Variants in FHOD3 observed in about 807,000 individuals in gnomAD.
FHOD3 encodes the protein FH1/FH2 domain-containing protein 3.
In FHOD3, 90 loss-of-function variants were observed where a neutral mutation model predicts 173.0. That is an observed-to-expected ratio of 0.52 (90% confidence interval 0.44 to 0.62). FHOD3 has a LOEUF of 0.62. Ranked by LOEUF, FHOD3 falls within the 20% of genes least tolerant of loss-of-function variation. The pLI, the probability that FHOD3 is intolerant of heterozygous loss-of-function variation, is 0.00. For synonymous variants in FHOD3, 828 were observed against 823.0 expected, an observed-to-expected ratio of 1.01 and a Z score of -0.10; for missense variants, 1,945 against 2,034.7, an observed-to-expected ratio of 0.96 and a Z score of 0.85.
At chr18:36,349,897 C>T (rs938618315) in intron 1 of FHOD3, among the ~76,000 whole-genome samples, 2 of 152,098 alleles carry the variant, frequency 1.3e-5, no homozygotes, top group Non-Finnish European at 2.9e-5. Context: ...TCCTGAGTAG[C>T]TGGGATTACA....
intron 1 of FHOD3, among the ~76,000 whole-genome samples, chr18:36,347,788 T>G (rs16967779): frequency 0.061 from 9,324 of 152,330 alleles, 931 homozygotes; most frequent in African/African-American, 0.21. Flanking sequence ...GTGAATTGAT[T>G]TCATGTAGTC....
chr18:36,619,163 G>A (rs942968057), intron 9 of FHOD3, among the ~76,000 whole-genome samples: 3 of 152,120 alleles, frequency 2.0e-5, no homozygotes, highest in East Asian at 1.9e-4. Context: ...TGCTAGGGCT[G>A]TAAATACAGA....
At chr18:36,524,179 G>A (rs916394858) in intron 5 of FHOD3, among the ~76,000 whole-genome samples, 1 of 151,860 alleles carries the variant, frequency 6.6e-6, no homozygotes, top group Non-Finnish European at 1.5e-5. Context: ...TTTCTCAGGA[G>A]GCTGAGGCAG....
chr18:36,537,134 A>G (rs1217966107), intron 5 of FHOD3, among the ~76,000 whole-genome samples: 1 of 152,142 alleles, frequency 6.6e-6, no homozygotes, highest in African/African-American at 2.4e-5. Context: ...GCTTCCAGGT[A>G]GTCAGTATGG....
intron 5 of FHOD3, among the ~76,000 whole-genome samples, chr18:36,563,659 C>T (rs972459162): frequency 6.6e-6 from 1 of 152,214 alleles, no homozygotes; most frequent in African/African-American, 2.4e-5. Context: ...ACCAGCTTCT[C>T]CGTGGGTTTA....
rs750825580 is a variant in FHOD3, at chr18:36,625,629, G to C, written c.1076G>C (p.Arg359Pro). 6.2e-7 allele frequency: 1 copy of C among 1,605,404 alleles called. No homozygotes were observed. The highest frequency in any genetic ancestry group is 8.5e-7 in the Non-Finnish European group (1 of 1,174,886). The change falls in exon 10 of 29, where the codon CGC (arginine) becomes CCC (proline). Residue 359 changes from arginine (R) to proline (P), a missense_variant. By Grantham distance (103) the Arg-to-Pro change is moderately radical. Around this residue, in one of 5 missense-constraint regions of FHOD3, gnomAD observed 1,099 missense variants for 1,051.2 expected, o/e 1.05. Transcript: ENST00000590592. ...SGGGEHRGLD[R>P]RRSRRHSVQS... is the part of the protein sequence containing the mutation. The stretch of plus-strand genomic sequence containing the variant: ...GGAGGCGAGCACCGGGGCCTGGACC[G>C]CAGAAGGAGCCGCAGGCACTCGGTG...
chr18:36,561,004 G>A (rs926990573), intron 5 of FHOD3, among the ~76,000 whole-genome samples: 1 of 151,868 alleles, frequency 6.6e-6, no homozygotes, highest in Non-Finnish European at 1.5e-5. Context: ...AAATTCCGCA[G>A]ACATTCTGTT....
intron 3 of FHOD3, among the ~76,000 whole-genome samples, chr18:36,403,547 A>C (rs1226789525): frequency 6.6e-6 from 1 of 152,142 alleles, no homozygotes; most frequent in East Asian, 1.9e-4. Context: ...CTTACTGTTG[A>C]TCTTCCCCAA....
At chr18:36,341,359 C>T (rs1486012672) in intron 1 of FHOD3, among the ~76,000 whole-genome samples, 3 of 152,038 alleles carry the variant, frequency 2.0e-5, no homozygotes, top group Non-Finnish European at 4.4e-5. Flanking sequence ...GCCAGAGGAC[C>T]AAAAACATTT....
chr18:36,473,885 T>G (rs1184615238), intron 3 of FHOD3, among the ~76,000 whole-genome samples: 2 of 152,256 alleles, frequency 1.3e-5, no homozygotes, highest in Non-Finnish European at 2.9e-5. Flanking sequence ...TTTTCACTCC[T>G]GAACACACTT....
intron 5 of FHOD3, among the ~76,000 whole-genome samples, chr18:36,521,575 T>C (rs914274813): frequency 6.6e-6 from 1 of 152,172 alleles, no homozygotes; most frequent in East Asian, 1.9e-4. Flanking sequence ...TTCAAGTCCT[T>C]CCATCTCTGT....
At chr18:36,418,330 GA>G (rs1437884008) in intron 3 of FHOD3, among the ~76,000 whole-genome samples, 1 of 152,224 alleles carries the variant, frequency 6.6e-6, no homozygotes, top group African/African-American at 2.4e-5. Context: ...TCCAAGTGAA[GA>G]TTTAGGGGTG....
chr18:36,668,184 G>A (rs1303350895), intron 14 of FHOD3, among the ~76,000 whole-genome samples: 1 of 152,108 alleles, frequency 6.6e-6, no homozygotes, highest in Non-Finnish European at 1.5e-5. Flanking sequence ...CAAATTCAAT[G>A]CCTCTAATAG....
intron 3 of FHOD3, among the ~76,000 whole-genome samples, chr18:36,450,883 A>AT (rs1318440808): frequency 5.3e-5 from 8 of 152,248 alleles, no homozygotes; most frequent in East Asian, 3.9e-4. Context: ...TTTATTTTAA[A>AT]TTTTTTTTAA....
At chr18:36,575,243 T>A (rs2058606025) in intron 5 of FHOD3, among the ~76,000 whole-genome samples, 1 of 152,238 alleles carries the variant, frequency 6.6e-6, no homozygotes, top group Non-Finnish European at 1.5e-5. Context: ...AGTGTTGGGA[T>A]TACAGGCATG....
chr18:36,502,044 T>C, intron 4 of FHOD3, 45 bp downstream of exon 4: 1 of 1,311,822 alleles, frequency 7.6e-7, no homozygotes, highest in Non-Finnish European at 1.1e-6. Flanking sequence ...TACATTGCTG[T>C]GAAATTAGAT....
intron 8 of FHOD3, among the ~76,000 whole-genome samples, chr18:36,609,959 C>T (rs1190407311): frequency 6.6e-6 from 1 of 152,166 alleles, no homozygotes; most frequent in Non-Finnish European, 1.5e-5. Flanking sequence ...ACCAGTGATT[C>T]CCTCACCCTT....
At chr18:36,561,099 A>G (rs188121521) in intron 5 of FHOD3, among the ~76,000 whole-genome samples, 140 of 152,212 alleles carry the variant, frequency 9.2e-4, no homozygotes, top group Middle Eastern at 3.4e-3. Context: ...TCATGTTTCT[A>G]GCTCCTATTA....
intron 3 of FHOD3, among the ~76,000 whole-genome samples, chr18:36,424,122 G>C (rs2050126795): frequency 6.6e-6 from 1 of 152,042 alleles, no homozygotes; most frequent in South Asian, 2.1e-4. Context: ...CTCATTTTTT[G>C]AGCCACACCC....
Sources: allele counts gnomAD v4.1 joint callset (sites outside exome capture counted in the v4.1 genomes callset), GRCh38; gene constraint gnomAD v4.1.1; regional missense constraint gnomAD v4.1.1; transcripts MANE v1.5; gene names NCBI Gene and HGNC (gene_info 2026-07-23, HGNC 2026-07-21).